PHYKPL: variants seen among roughly 807,000 people sequenced by gnomAD.
The protein encoded by PHYKPL is 5-phosphonooxy-L-lysine phospho-lyase.
In PHYKPL, 42 loss-of-function variants were observed where a neutral mutation model predicts 51.3. The observed-to-expected ratio is 0.82, with a 90% CI of 0.64 to 1.06. The LOEUF (loss-of-function observed/expected upper bound fraction) is 1.06, where lower values mean the gene tolerates loss of function less well. Among genes scored for constraint, PHYKPL ranks in the 50% least tolerant of loss-of-function variants. PHYKPL has a pLI of 0.00. For synonymous variants in PHYKPL, 264 were observed against 236.0 expected, an observed-to-expected ratio of 1.12 and a Z score of -1.09; for missense variants, 655 against 586.6, an observed-to-expected ratio of 1.12 and a Z score of -1.20.
In PHYKPL at chr5:178,224,447, C is replaced by T. The variant is rs138562668; in HGVS notation, c.618+1G>A. 1.6e-4 allele frequency: 247 copies of T among 1,571,364 alleles called. No homozygotes were observed. The highest frequency in any genetic ancestry group is 2.1e-4 in the Non-Finnish European group (239 of 1,156,706). ...GATTGGACAGGCGCGGACACGGTTA[C>T]CTTCCTGCCCTTCTCCTGTGCACTG... On this transcript the variant is annotated splice_donor_variant, in intron 6 of 12. Transcript: ENST00000308158. LOFTEE classifies it high-confidence loss of function.
chr5:178,212,957 C>T lies in PHYKPL; in HGVS notation c.1303+16G>A, dbSNP rs1258618573. 8 of 1,613,448 alleles carry T rather than the reference C, an allele frequency of 5.0e-6. No individual in the cohort carries two copies. The highest frequency in any genetic ancestry group is 2.2e-5 in the East Asian group (1 of 44,888). Reference sequence around the variant, plus strand: ...TGAGTTCTAGAGATATGGCCAAGCTCAGGCTTCAAGCTCACCAGTCAGAAT... The same window carrying T: ...TGAGTTCTAGAGATATGGCCAAGCTTAGGCTTCAAGCTCACCAGTCAGAAT... On this transcript the variant is annotated intron_variant, in intron 11 of 12. Transcript: ENST00000308158.
At chr5:178,227,046 GTTTATGGGC>G (rs1224581931) in intron 3 of PHYKPL, among the ~76,000 whole-genome samples, 4 of 152,138 alleles carry the variant, frequency 2.6e-5, no homozygotes, top group Non-Finnish European at 5.9e-5. Context: ...GAGGGGGCAT[GTTTATGGGC>G]TGAGCTGCAC....
chr5:178,224,756 C>T (rs1311542866), intron 4 of PHYKPL, 27 bp from the exon 5 acceptor site: 21 of 1,581,174 alleles, frequency 1.3e-5, no homozygotes, highest in South Asian at 3.4e-5. Context: ...AGGGTAGGCT[C>T]GGGTCCGGGC....
chr5:178,211,781 C>G (rs1440807889), intron 12 of PHYKPL, 109 bp downstream of exon 12: 3 of 706,538 alleles, frequency 4.2e-6, no homozygotes, highest in Non-Finnish European at 7.3e-6. Context: ...GAGCATCAGT[C>G]AGAACAAAAA....
intron 10 of PHYKPL, among the ~76,000 whole-genome samples, chr5:178,213,471 A>C (rs934091880): frequency 6.6e-6 from 1 of 152,070 alleles, no homozygotes; most frequent in Non-Finnish European, 1.5e-5. Context: ...TATATAGAGA[A>C]TGTCCAACAT....
chr5:178,223,282 C>G, intron 6 of PHYKPL: 3 of 432,614 alleles, frequency 6.9e-6, no homozygotes, highest in South Asian at 3.4e-5. Flanking sequence ...CCTCAGCCCC[C>G]TCTCTAAACC....
chr5:178,225,246 C>G (rs1762055783), intron 4 of PHYKPL, 109 bp downstream of exon 4: 1 of 1,285,940 alleles, frequency 7.8e-7, no homozygotes, highest in South Asian at 1.3e-5. Flanking sequence ...CTTCAGTAGC[C>G]CAGGCCCCTT....
chr5:178,224,375 T>C, intron 6 of PHYKPL, 73 bp downstream of exon 6: 1 of 1,433,472 alleles, frequency 7.0e-7, no homozygotes, highest in South Asian at 1.4e-5. Context: ...GTTCCCAGCA[T>C]CTAGCACAGT....
intron 12 of PHYKPL, 45 bp downstream of exon 12, chr5:178,211,845 G>C (rs1185451445): frequency 1.1e-5 from 16 of 1,439,202 alleles, no homozygotes; most frequent in Non-Finnish European, 1.6e-5. Context: ...TGATGGTAAG[G>C]AACCCGCTGT....
intron 8 of PHYKPL, among the ~76,000 whole-genome samples, chr5:178,218,045 G>A (rs1327037816): frequency 6.0e-5 from 8 of 134,014 alleles, no homozygotes; most frequent in East Asian, 4.3e-4. Flanking sequence ...GTGAAACCCC[G>A]TCTCTACTAA....
intron 7 of PHYKPL, 122 bp from the exon 8 acceptor site, chr5:178,222,702 G>A: frequency 7.4e-7 from 1 of 1,344,768 alleles, no homozygotes; most frequent in Non-Finnish European, 1.0e-6. Flanking sequence ...CTTGGGCAAT[G>A]GCTGGCCTTC....
At chr5:178,224,760 T>TCCGGGCAGCACCTACTCCCTGGC in intron 4 of PHYKPL, 31 bp from the exon 5 acceptor site, 1 of 1,570,782 alleles carries the variant, frequency 6.4e-7, no homozygotes, top group South Asian at 1.1e-5. Flanking sequence ...TAGGCTCGGG[T>TCCGGGCAGCACCTACTCCCTGGC]CCGGGCAGCA....
chr5:178,229,873 C>A, intron 3 of PHYKPL, 67 bp downstream of exon 3: 1 of 1,577,930 alleles, frequency 6.3e-7, no homozygotes, highest in Non-Finnish European at 8.7e-7. Flanking sequence ...CTACACTGGG[C>A]CCATGTGAGT....
At chr5:178,214,382 C>T (rs947321729) in intron 10 of PHYKPL, among the ~76,000 whole-genome samples, 11 of 152,104 alleles carry the variant, frequency 7.2e-5, no homozygotes, top group African/African-American at 1.4e-4. Context: ...ACCTGTCGTG[C>T]GGCATGGGAA....
At chr5:178,223,527 G>A (rs149275165) in intron 6 of PHYKPL, 1 of 455,738 alleles carries the variant, frequency 2.2e-6, no homozygotes, top group Non-Finnish European at 4.4e-6. Flanking sequence ...CTTACAGGTG[G>A]GAGGGCAGGG....
At chr5:178,217,456 A>C (rs1760045731) in intron 8 of PHYKPL, among the ~76,000 whole-genome samples, 1 of 151,802 alleles carries the variant, frequency 6.6e-6, no homozygotes, top group African/African-American at 2.4e-5. Flanking sequence ...CGGGACCTCA[A>C]GTGATCCGCC....
intron 9 of PHYKPL, 90 bp from the exon 10 acceptor site, chr5:178,214,975 G>T: frequency 8.4e-7 from 1 of 1,191,190 alleles, no homozygotes; most frequent in Non-Finnish European, 1.2e-6. Flanking sequence ...TGTGCCTCCT[G>T]AGGGGGCTGA....
Position 178,210,782 on chromosome 5 carries a change from A to ATT in PHYKPL, c.*31+1106_*31+1107dup. 3 of 659,180 alleles carry ATT rather than the reference A, an allele frequency of 4.6e-6. No individual in the cohort carries two copies. The South Asian group carries it at 5.2e-5, about 11-fold the overall frequency. 40.8% of individuals were successfully genotyped at this position (659,180 alleles called of 1,614,324 possible). A position where few individuals can be genotyped will look rare whatever the true frequency, so the allele number is the denominator to read the frequency against. ...CATGGAAATCACTCTCCTGTTGACT[A>ATT]TTTCCAGAGCTCTAGGTGTTTAGGC... is the stretch of plus-strand genomic sequence containing the variant. On this transcript the variant is annotated intron_variant, in intron 12 of 12. Transcript: ENST00000308158.
At chr5:178,211,792 A>C (rs2113682316) in intron 12 of PHYKPL, 98 bp downstream of exon 12, 1 of 787,416 alleles carries the variant, frequency 1.3e-6, no homozygotes, top group Middle Eastern at 3.2e-4. Flanking sequence ...AGAACAAAAA[A>C]AAGTCTTAAA....
Sources: gnomAD v4.1 joint callset for allele counts (sites outside exome capture counted in the v4.1 genomes callset) on GRCh38, gnomAD v4.1.1 for gene constraint, MANE v1.5 for transcripts, NCBI Gene and HGNC (gene_info 2026-07-23, HGNC 2026-07-21) for gene names.